TMED5: variants seen among roughly 807,000 people sequenced by gnomAD.
TMED5 encodes transmembrane emp24 domain-containing protein 5.
In TMED5, 27 loss-of-function variants were observed where a neutral mutation model predicts 23.0. That is an observed-to-expected ratio of 1.17 (90% confidence interval 0.86 to 1.62). TMED5 has a LOEUF of 1.62. TMED5 is among the 40% of genes most tolerant of loss of function. The probability of loss-of-function intolerance (pLI) is 0.00; values close to 1 mark genes in which losing one functional copy is unlikely to be tolerated. For synonymous variants in TMED5, 97 were observed against 100.8 expected (o/e 0.96, Z 0.23); for missense variants, 248 against 273.7 (o/e 0.91, Z 0.66).
chr1:93,152,654 CAGAG>C lies in TMED5; in HGVS notation c.*2012_*2015del, dbSNP rs1280724473. The C allele has an allele frequency of 5.9e-5, 9 of 152,540 alleles. No homozygotes were observed. The highest frequency in any genetic ancestry group is 1.0e-4 in the Non-Finnish European group (7 of 67,990). 9.4% of individuals were successfully genotyped at this position (152,540 alleles called of 1,614,324 possible). A position where few individuals can be genotyped will look rare whatever the true frequency, so the allele number is the denominator to read the frequency against. On this transcript the variant is annotated 3_prime_UTR_variant, in exon 4 of 4. Coordinates refer to ENST00000370282, the MANE Select transcript of TMED5 (RefSeq NM_016040.5). ...ACAAATTCATTGTTAGGTAAGGAGT[CAGAG>C]AGTACAGTACAGTAACAGCCATACA...
intron 1 of TMED5, among the ~76,000 whole-genome samples, chr1:93,168,141 A>C (rs1169829591): frequency 5.3e-5 from 8 of 152,190 alleles, no homozygotes; most frequent in Non-Finnish European, 1.2e-4. Flanking sequence ...TTAAAAAATA[A>C]GTATAATTGA....
intron 1 of TMED5, among the ~76,000 whole-genome samples, chr1:93,174,206 G>A (rs779558891): frequency 1.3e-5 from 2 of 152,108 alleles, no homozygotes; most frequent in Non-Finnish European, 2.9e-5. Flanking sequence ...TCCTGACCTC[G>A]TGATCCACCC....
intron 1 of TMED5, among the ~76,000 whole-genome samples, chr1:93,175,036 T>TAAA (rs766718049): frequency 7.8e-6 from 1 of 128,570 alleles, no homozygotes; most frequent in South Asian, 2.4e-4. Flanking sequence ...CCCTATCTCT[T>TAAA]AAAAAAAAAA....
rs1190755305 is a variant in TMED5 at position 93,150,714 on chromosome 1, G to C, written c.*3956C>G. Reference sequence around the variant, plus strand: ...ATCAAGGGTAGAAAGGTTAGATTTAGTCCAGCCTCCCATTTCATATTAGCT... The same window carrying C: ...ATCAAGGGTAGAAAGGTTAGATTTACTCCAGCCTCCCATTTCATATTAGCT... On this transcript the variant is annotated 3_prime_UTR_variant, in exon 4 of 4. Coordinates refer to ENST00000370282, the MANE Select transcript of TMED5 (RefSeq NM_016040.5). 1.3e-5 allele frequency: 2 copies of C among 152,156 alleles called. No homozygotes were observed. The highest frequency in any genetic ancestry group is 4.8e-5 in the African/African-American group (2 of 41,430). The allele number at this position is 152,156 out of a possible 1,614,324, so 9.4% of individuals were successfully genotyped here.
At chr1:93,162,192 A>G (rs1230152495) in intron 1 of TMED5, 1 of 152,176 alleles carries the variant, frequency 6.6e-6, no homozygotes, top group African/African-American at 2.4e-5. Context: ...GATATAAAAA[A>G]TTACCTACTC....
chr1:93,167,607 TC>T (rs1334455340), intron 1 of TMED5, among the ~76,000 whole-genome samples: 1 of 152,238 alleles, frequency 6.6e-6, no homozygotes, highest in Non-Finnish European at 1.5e-5. Context: ...TGATTTTATA[TC>T]CTGCAACTTC....
chr1:93,169,476 A>G (rs932540288), intron 1 of TMED5, among the ~76,000 whole-genome samples: 1 of 152,178 alleles, frequency 6.6e-6, no homozygotes, highest in Admixed American at 6.5e-5. Flanking sequence ...ATGTAAAATC[A>G]ATAATGTAGA....
rs1647912263 is a variant in TMED5, at chr1:93,152,436, CT to C, written c.*2233del. 6.6e-6 allele frequency: 1 copy of C among 152,112 alleles called. No individual in the cohort carries two copies. The highest frequency in any genetic ancestry group is 6.6e-5 in the Admixed American group (1 of 15,266). The allele number at this position is 152,112 out of a possible 1,614,324, so 9.4% of individuals were successfully genotyped here. ...TTTAGAAATATTAAAGATTTTTACT[CT>C]GTTTACAAGTTTTGCTTTTTTGGTT... On this transcript the variant is annotated 3_prime_UTR_variant, in exon 4 of 4. Coordinates refer to ENST00000370282, the MANE Select transcript of TMED5 (RefSeq NM_016040.5).
At chr1:93,161,162 T>A (rs530413010) in intron 1 of TMED5, 2 of 152,318 alleles carry the variant, frequency 1.3e-5, no homozygotes, top group South Asian at 4.1e-4. Flanking sequence ...AAATGCTTTA[T>A]GTGGATTAAT....
intron 1 of TMED5, among the ~76,000 whole-genome samples, chr1:93,171,363 G>A (rs1648728969): frequency 6.6e-6 from 1 of 152,182 alleles, no homozygotes; most frequent in Non-Finnish European, 1.5e-5. Context: ...GCGAGGGTCC[G>A]CGGCTTCATT....
At chr1:93,180,018 T>C (rs769855500) in intron 1 of TMED5, 36 bp downstream of exon 1, 3 of 1,596,198 alleles carry the variant, frequency 1.9e-6, no homozygotes, top group Non-Finnish European at 2.6e-6. Context: ...TGCAGCTGGG[T>C]TAAAGGAAGG....
In TMED5 at chr1:93,156,283, T is replaced by G. The variant is rs1137728; in HGVS notation, c.471+17A>C. 2 of 1,606,426 alleles carry G rather than the reference T, an allele frequency of 1.2e-6. No homozygotes were observed. Among genetic ancestry groups the G allele is most frequent in the Non-Finnish European group, 1.7e-6 (2 of 1,174,170 alleles). ...TGGCTGTTAATAATTTTTATTTTAT[T>G]AGAAGACCATACTGACCAGGATGTC... On this transcript the variant is annotated intron_variant, in intron 3 of 3. Transcript: ENST00000370282.
intron 1 of TMED5, among the ~76,000 whole-genome samples, chr1:93,169,882 TACAC>T (rs59467244): frequency 1.1e-3 from 143 of 130,596 alleles, no homozygotes; most frequent in African/African-American, 2.1e-3. Flanking sequence ...ACCCTGTCTG[TACAC>T]ACACACACAC....
intron 3 of TMED5, 116 bp from the exon 4 acceptor site, chr1:93,155,004 T>C (rs920124869): frequency 6.8e-6 from 5 of 734,382 alleles, no homozygotes; most frequent in Admixed American, 5.4e-5. Flanking sequence ...TTTGGGAGAC[T>C]AGGGCAGGAG....
intron 1 of TMED5, among the ~76,000 whole-genome samples, chr1:93,178,749 A>C (rs1339925625): frequency 6.6e-6 from 1 of 152,212 alleles, no homozygotes; most frequent in Non-Finnish European, 1.5e-5. Context: ...TATCGTGTGT[A>C]TCTATATACA....
Position 93,169,924 on chromosome 1 carries a change from TAGGC to T in TMED5, c.190-9702_190-9699del, listed in dbSNP as rs534132887. The stretch of plus-strand genomic sequence containing the variant: ...ACACACACACACACACACACAAAAT[TAGGC>T]AGGCATGGTGGTGCATGCCTCCCTA... On this transcript the variant is annotated intron_variant, in intron 1 of 3. Coordinates refer to ENST00000370282, the MANE Select transcript of TMED5 (RefSeq NM_016040.5). 4.9e-4 allele frequency among the ~76,000 whole-genome samples: 28 copies of T among 57,072 alleles called. No individual in the cohort carries two copies. In the East Asian group the frequency reaches 0.02, roughly 40 times the overall value. 37.4% of individuals were successfully genotyped at this position (57,072 alleles called of 152,430 possible).
chr1:93,171,296 G>A (rs1414072688), intron 1 of TMED5, among the ~76,000 whole-genome samples: 3 of 151,968 alleles, frequency 2.0e-5, no homozygotes, highest in Admixed American at 6.6e-5. Context: ...GAACACATCC[G>A]AACATCAGAA....
intron 1 of TMED5, among the ~76,000 whole-genome samples, chr1:93,166,028 G>A (rs1208769816): frequency 2.0e-5 from 3 of 152,062 alleles, no homozygotes; most frequent in Non-Finnish European, 4.4e-5. Context: ...GTCTTTCTGT[G>A]CCTGGCTTAT....
chr1:93,180,076 G>A lies in TMED5; in HGVS notation c.167C>T (p.Ala56Val). 1.2e-6 allele frequency: 2 copies of A among 1,613,236 alleles called. No individual in the cohort carries two copies. ...ECFYQPMPLKASLEIEYQVLD... is the reference protein window; with the variant it reads ...ECFYQPMPLKVSLEIEYQVLD... ...TACTTGGTACTCGATCTCCAGCGAG[G>A]CCTTCAGGGGCATGGGCTGGTAGAA... Residue 56 changes from alanine to valine, a missense_variant, in exon 1 of 4, where the codon GCC (alanine) becomes GTC (valine). Coordinates refer to ENST00000370282, the MANE Select transcript of TMED5 (RefSeq NM_016040.5).
Sources: gnomAD v4.1 joint callset for allele counts (sites outside exome capture counted in the v4.1 genomes callset) on GRCh38, gnomAD v4.1.1 for gene constraint, MANE v1.5 for transcripts, NCBI Gene and HGNC (gene_info 2026-07-23, HGNC 2026-07-21) for gene names.